The following SLF1 variants were observed in gnomAD, a reference collection of about 807,000 sequenced individuals.
SLF1 encodes the protein SMC5/6 complex localization factor 1.
A neutral mutation model predicts 123.0 loss-of-function variants in SLF1; 105 were observed. The ratio of observed to expected loss-of-function variants is 0.85; its 90% CI spans 0.73 to 1.00. The LOEUF (loss-of-function observed/expected upper bound fraction) is 1.00, where lower values mean the gene tolerates loss of function less well. Among genes scored for constraint, SLF1 ranks in the 50% least tolerant of loss-of-function variants. SLF1 has a pLI of 0.00. For synonymous variants in SLF1, 434 were observed against 406.6 expected (o/e 1.07, Z -0.81); for missense variants, 1,239 against 1,223.0 (o/e 1.01, Z -0.20).
chr5:94,630,249 C>T (rs1333401024), intron 3 of SLF1, among the ~76,000 whole-genome samples: 1 of 151,892 alleles, frequency 6.6e-6, no homozygotes, highest in East Asian at 1.9e-4. Context: ...GTAATTATAA[C>T]TAAGTTATAG....
chr5:94,656,362 C>G (rs1341557378), intron 9 of SLF1, among the ~76,000 whole-genome samples: 2 of 151,668 alleles, frequency 1.3e-5, no homozygotes, highest in African/African-American at 4.8e-5. Flanking sequence ...AGTGTACTGA[C>G]TCTTTGCTAT....
chr5:94,689,414 G>A lies in SLF1; in HGVS notation c.2286-59G>A, dbSNP rs923115764. Reference sequence around the variant, plus strand: ...AGACTTTTAAAAAATACCATCTAATGTATGCTGGCACGCCTTGCTGAAAAA... The same window carrying A: ...AGACTTTTAAAAAATACCATCTAATATATGCTGGCACGCCTTGCTGAAAAA... On this transcript the variant is annotated intron_variant, in intron 17 of 20. Coordinates refer to ENST00000265140, the MANE Select transcript of SLF1 (RefSeq NM_032290.4). 3.9e-6 allele frequency: 6 copies of A among 1,537,126 alleles called. No individual in the cohort carries two copies. In the African/African-American group the frequency reaches 6.9e-5, roughly 18 times the overall value.
rs187550807 is a variant in SLF1 at position 94,637,966 on chromosome 5, G to T, written c.432-5307G>T. Reference sequence around the variant, plus strand: ...GTGAGTCTCTCACTCCCTGGGTGAGGCCATGGGGTAGGATTTGAGGCTGGG... The same window carrying T: ...GTGAGTCTCTCACTCCCTGGGTGAGTCCATGGGGTAGGATTTGAGGCTGGG... On this transcript the variant is annotated intron_variant, in intron 4 of 20. Transcript: ENST00000265140. Among the ~76,000 whole-genome samples the T allele has an allele frequency of 1.2e-3, 179 of 152,074 alleles. 2 individuals carry two copies. Among genetic ancestry groups the T allele is most frequent in the Non-Finnish European group, 2.1e-3 (143 of 67,970 alleles).
chr5:94,630,395 C>A, intron 3 of SLF1, 108 bp from the exon 4 acceptor site: 1 of 1,280,194 alleles, frequency 7.8e-7, no homozygotes, highest in Non-Finnish European at 1.1e-6. Flanking sequence ...AGCAGCATAG[C>A]TTAAGAGTCT....
intron 11 of SLF1, among the ~76,000 whole-genome samples, chr5:94,665,641 TACTC>T (rs1163161336): frequency 6.6e-6 from 1 of 152,090 alleles, no homozygotes; most frequent in East Asian, 1.9e-4. Flanking sequence ...CCCAGCTACT[TACTC>T]AGGAGGCTGA....
At chr5:94,676,979 A>G (rs909444736) in intron 14 of SLF1, among the ~76,000 whole-genome samples, 4 of 152,172 alleles carry the variant, frequency 2.6e-5, no homozygotes, top group African/African-American at 7.2e-5. Context: ...AGTGCTAGGG[A>G]TTTCTTTCTC....
chr5:94,619,935 T>G (rs987013401), intron 1 of SLF1: 5 of 152,194 alleles, frequency 3.3e-5, no homozygotes, highest in African/African-American at 1.2e-4. Flanking sequence ...CAGGCTGGAG[T>G]GCAGTGCCTA....
At chr5:94,627,360 C>T (rs1210616478) in intron 1 of SLF1, among the ~76,000 whole-genome samples, 1 of 151,862 alleles carries the variant, frequency 6.6e-6, no homozygotes, top group African/African-American at 2.4e-5. Flanking sequence ...AGATTTTTCT[C>T]TAATACGCTG....
chr5:94,666,382 A>G (rs1749758415), intron 12 of SLF1, among the ~76,000 whole-genome samples: 1 of 152,214 alleles, frequency 6.6e-6, no homozygotes, highest in South Asian at 2.1e-4. Context: ...AGACATTTGT[A>G]ACTATAGTAT....
At position 94,653,291 on chromosome 5, in the gene SLF1, A is replaced by C; in HGVS notation, c.902A>C (p.Asp301Ala). 6.5e-7 allele frequency: 1 copy of C among 1,527,484 alleles called. No homozygotes were observed. The highest frequency in any genetic ancestry group is 8.8e-7 in the Non-Finnish European group (1 of 1,139,072). The allele number at this position is 1,527,484 out of a possible 1,614,324, so 94.6% of individuals were successfully genotyped here. ...YENQKEIKKK[D>A]EDIQRSYTLR... The stretch of plus-strand genomic sequence containing the variant: ...ATGTAGAAGGAAATTAAGAAAAAAG[A>C]TGAAGATATTCAGAGGAGTTATACT... The change falls in exon 8 of 21, where the codon GAT becomes GCT. Residue 301 changes from aspartate (D) to alanine (A), a missense_variant. Coordinates refer to ENST00000265140, the MANE Select transcript of SLF1 (RefSeq NM_032290.4).
Position 94,678,896 on chromosome 5 carries a change from GA to G in SLF1, c.1919del (p.Asn640MetfsTer2). 1 of 1,613,846 alleles carries G rather than the reference GA, an allele frequency of 6.2e-7. No individual in the cohort carries two copies. On this transcript the variant is annotated frameshift_variant, in exon 15 of 21. Transcript: ENST00000265140. LOFTEE classifies it high-confidence loss of function. Reference protein sequence around the residue: ...YWIFLGLKMGRNVMRHMSDDL... With the variant: ...YWIFLGLKMGXNVMRHMSDDL... Reference sequence around the variant, plus strand: ...ATTTTCCTTGGTCTTAAGATGGGTAGAAATGTGATGCGACACATGTCTGATG... The same window carrying G: ...ATTTTCCTTGGTCTTAAGATGGGTAGAATGTGATGCGACACATGTCTGATG...
At chr5:94,631,669 A>AT (rs1475137839) in intron 4 of SLF1, among the ~76,000 whole-genome samples, 1 of 151,992 alleles carries the variant, frequency 6.6e-6, no homozygotes, top group Non-Finnish European at 1.5e-5. Context: ...GATATTTGGG[A>AT]TTTTTTTGTC....
chr5:94,660,497 G>C (rs1449561171), intron 9 of SLF1, among the ~76,000 whole-genome samples: 3 of 152,172 alleles, frequency 2.0e-5, no homozygotes, highest in Admixed American at 2.0e-4. Flanking sequence ...GTCGGAGTAG[G>C]GTAGGCCTTT....
At chr5:94,676,066 A>G (rs1366865825) in intron 14 of SLF1, among the ~76,000 whole-genome samples, 4 of 152,132 alleles carry the variant, frequency 2.6e-5, no homozygotes, top group African/African-American at 9.6e-5. Flanking sequence ...TACCCTTGAG[A>G]TGGAGAATAC....
chr5:94,649,648 T>C, intron 6 of SLF1, 51 bp downstream of exon 6: 1 of 1,353,542 alleles, frequency 7.4e-7, no homozygotes, highest in Non-Finnish European at 9.7e-7. Flanking sequence ...CTTATAGAAT[T>C]GTTTAAGAGG....
At chr5:94,665,744 C>G in intron 11 of SLF1, 117 bp from the exon 12 acceptor site, 1 of 929,534 alleles carries the variant, frequency 1.1e-6, no homozygotes, top group Admixed American at 2.7e-5. Context: ...CAGAGCCAGA[C>G]TCCGTCTCAA....
intron 15 of SLF1, among the ~76,000 whole-genome samples, chr5:94,684,465 A>G (rs182083763): frequency 2.8e-4 from 42 of 152,166 alleles, no homozygotes; most frequent in African/African-American, 5.5e-4. Context: ...TTGGGAGGCC[A>G]AGGCGGGCAG....
chr5:94,674,217 A>C (rs924027191), intron 14 of SLF1, among the ~76,000 whole-genome samples: 2 of 152,204 alleles, frequency 1.3e-5, no homozygotes, highest in Non-Finnish European at 2.9e-5. Flanking sequence ...AATTTAAAAC[A>C]ATAAAATGAT....
intron 6 of SLF1, among the ~76,000 whole-genome samples, chr5:94,651,020 C>T (rs1317661321): frequency 6.6e-6 from 1 of 152,146 alleles, no homozygotes; most frequent in South Asian, 2.1e-4. Flanking sequence ...TGGTCAACAA[C>T]GGACCCCATA....
Sources: allele counts gnomAD v4.1 joint callset (sites outside exome capture counted in the v4.1 genomes callset), GRCh38; gene constraint gnomAD v4.1.1; transcripts MANE v1.5; gene names NCBI Gene and HGNC (gene_info 2026-07-23, HGNC 2026-07-21).